DYNC2H1: variants seen among roughly 807,000 people sequenced by gnomAD.
DYNC2H1 encodes cytoplasmic dynein 2 heavy chain 1.
Under a neutral mutation model 570.0 loss-of-function variants are expected in DYNC2H1, and 410 were observed. The ratio of observed to expected loss-of-function variants is 0.72; its 90% CI spans 0.66 to 0.78. The LOEUF (loss-of-function observed/expected upper bound fraction) is 0.78, where lower values mean the gene tolerates loss of function less well. Ranked by LOEUF, DYNC2H1 falls within the 30% of genes least tolerant of loss-of-function variation. The probability of loss-of-function intolerance (pLI) is 0.00; values close to 1 mark genes in which losing one functional copy is unlikely to be tolerated. For missense variants in DYNC2H1, 4,865 were observed against 5,046.4 expected (o/e 0.96, Z 1.09); for synonymous variants, 1,688 against 1,677.6 (o/e 1.01, Z -0.15).
intron 5 of DYNC2H1, among the ~76,000 whole-genome samples, chr11:103,117,017 T>C (rs1397903863): frequency 1.3e-5 from 2 of 150,436 alleles, no homozygotes; most frequent in Non-Finnish European, 3.0e-5. Flanking sequence ...TTTGTTAATA[T>C]TAAATTTTTT....
chr11:103,190,092 G>C (rs1488442874), intron 45 of DYNC2H1, among the ~76,000 whole-genome samples: 3 of 152,138 alleles, frequency 2.0e-5, no homozygotes, highest in Non-Finnish European at 4.4e-5. Context: ...ATTTAGAATT[G>C]AGTTTATCTT....
At chr11:103,460,879 T>G (rs1026123055) in intron 87 of DYNC2H1, among the ~76,000 whole-genome samples, 4 of 152,140 alleles carry the variant, frequency 2.6e-5, no homozygotes, top group African/African-American at 9.7e-5. Context: ...AAAGATATTT[T>G]ATTGTTAAGA....
At chr11:103,213,524 G>T (rs1358914394) in intron 54 of DYNC2H1, among the ~76,000 whole-genome samples, 1 of 150,806 alleles carries the variant, frequency 6.6e-6, no homozygotes, top group Admixed American at 6.6e-5. Context: ...ATATTTATGG[G>T]GTACATGTGA....
At chr11:103,303,399 T>G in intron 76 of DYNC2H1, 146 bp downstream of exon 76, 2 of 816,170 alleles carry the variant, frequency 2.5e-6, no homozygotes, top group Non-Finnish European at 3.5e-6. Flanking sequence ...ACTGTGGATA[T>G]GTTATTTTCC....
chr11:103,192,144 G>A lies in DYNC2H1; in HGVS notation c.7588G>A (p.Glu2530Lys). ...TTATGTGTTAGAAATTGTAGCATAT[G>A]AGGCACGGCGCTTATTTCGTGACAA... ...LDYVLEIVAYEARRLFRDKIV... is the reference protein window; with the variant it reads ...LDYVLEIVAYKARRLFRDKIV... Residue 2530 changes from glutamate to lysine, a missense_variant, in exon 47 of 89, where the codon GAG becomes AAG. Physicochemically the swap from Glu to Lys is moderately conservative, Grantham distance 56. Around this residue, in one of 5 missense-constraint regions of DYNC2H1, gnomAD observed 2,401 missense variants for 2,454.6 expected, o/e 0.98. Coordinates refer to ENST00000375735, the MANE Select transcript of DYNC2H1 (RefSeq NM_001377.3). 1.3e-6 allele frequency: 2 copies of A among 1,559,804 alleles called. No homozygotes were observed. Among genetic ancestry groups the A allele is most frequent in the African/African-American group, 1.3e-5 (1 of 74,302 alleles).
At position 103,245,461 on chromosome 11, in the gene DYNC2H1, T is replaced by C; in HGVS notation, c.10042+87T>C. The C allele has an allele frequency of 7.4e-7, 1 of 1,348,124 alleles. No homozygotes were observed. The highest frequency in any genetic ancestry group is 1.0e-6 in the Non-Finnish European group (1 of 999,608). 83.5% of individuals were successfully genotyped at this position (1,348,124 alleles called of 1,614,324 possible). A position where few individuals can be genotyped will look rare whatever the true frequency, so the allele number is the denominator to read the frequency against. ...ACCAGGTGCAAGCTTTCAAGAGTCCTCTTCCAGTGGAGTCACACATGATGG... is the reference window on the plus strand; with the variant it reads ...ACCAGGTGCAAGCTTTCAAGAGTCCCCTTCCAGTGGAGTCACACATGATGG... On this transcript the variant is annotated intron_variant, in intron 65 of 88. Transcript: ENST00000375735. The surrounding 1 kb of genome is among the most constrained non-coding windows in gnomAD (Gnocchi z 4.5).
rs1341847839 is a variant in DYNC2H1, at chr11:103,289,909, T to TA, written c.11095+2307dup. Among the ~76,000 whole-genome samples, 1 of 152,188 alleles carries TA rather than the reference T, an allele frequency of 6.6e-6. No homozygotes were observed. The highest frequency in any genetic ancestry group is 2.4e-5 in the African/African-American group (1 of 41,458). On this transcript the variant is annotated intron_variant, in intron 75 of 88. Coordinates refer to ENST00000375735, the MANE Select transcript of DYNC2H1 (RefSeq NM_001377.3). The surrounding 1 kb of genome is among the most constrained non-coding windows in gnomAD (Gnocchi z 4.2). ...GTGTCCTTACAAGAAGACATCCATG[T>TA]AAAGACAGACACGCAAGGAGAGTAT...
At chr11:103,444,472 G>T (rs1052436576) in intron 85 of DYNC2H1, among the ~76,000 whole-genome samples, 1 of 151,926 alleles carries the variant, frequency 6.6e-6, no homozygotes, top group Admixed American at 6.6e-5. Context: ...ATATATTTCC[G>T]GGATGTCAGA....
Position 103,156,742 on chromosome 11 carries a change from C to A in DYNC2H1, c.4099C>A (p.Arg1367Ser). 6.2e-7 allele frequency: 1 copy of A among 1,612,162 alleles called. No homozygotes were observed. The highest frequency in any genetic ancestry group is 8.5e-7 in the Non-Finnish European group (1 of 1,179,412). Residue 1367 changes from arginine (R) to serine (S), a missense_variant, in exon 26 of 89, where the codon CGC (arginine) becomes AGC (serine). Transcript: ENST00000375735. Reference protein sequence around the residue: ...GRGALPKEQTRFNRVDEDFRS... With the variant: ...GRGALPKEQTSFNRVDEDFRS... ...TGGAGCATTGCCAAAAGAACAGACA[C>A]GCTTCAACAGAGTTGATGAAGATTT... is the stretch of plus-strand genomic sequence containing the variant.
intron 82 of DYNC2H1, among the ~76,000 whole-genome samples, chr11:103,347,538 G>A (rs1939803005): frequency 6.6e-6 from 1 of 152,068 alleles, no homozygotes; most frequent in Non-Finnish European, 1.5e-5. Context: ...GATGAATGAA[G>A]CAAGTGCTGG....
rs147939011 is a variant in DYNC2H1 at position 103,431,658 on chromosome 11, G to A, written c.12367-4285G>A. On this transcript the variant is annotated intron_variant, in intron 84 of 88. Coordinates refer to ENST00000375735, the MANE Select transcript of DYNC2H1 (RefSeq NM_001377.3). The stretch of plus-strand genomic sequence containing the variant: ...AACACATTTTGCCAATAAGAAATAC[G>A]TTGGTTTATTCCTGTAACATAATCT... Among the ~76,000 whole-genome samples the A allele has an allele frequency of 9.7e-4, 148 of 152,208 alleles. 1 individual carries two copies. Among genetic ancestry groups the A allele is most frequent in the African/African-American group, 3.3e-3 (135 of 41,536 alleles).
chr11:103,249,857 A>G lies in DYNC2H1; in HGVS notation c.10043-3428A>G, dbSNP rs1390870631. Among the ~76,000 whole-genome samples the G allele has an allele frequency of 2.0e-5, 3 of 152,072 alleles. No homozygotes were observed. Among genetic ancestry groups the G allele is most frequent in the Non-Finnish European group, 2.9e-5 (2 of 67,982 alleles). On this transcript the variant is annotated intron_variant, in intron 65 of 88. Transcript: ENST00000375735. This position sits in a 1 kb window ranked among gnomAD's most constrained non-coding sequence, Gnocchi z 4.6. ...TTTAGTCCCACTCCATTTCTCTTACATATACATAAAAATTAAGATACTAAA... is the reference window on the plus strand; with the variant it reads ...TTTAGTCCCACTCCATTTCTCTTACGTATACATAAAAATTAAGATACTAAA...
chr11:103,457,423 G>T (rs887905350), intron 87 of DYNC2H1, among the ~76,000 whole-genome samples: 1 of 152,098 alleles, frequency 6.6e-6, no homozygotes, highest in African/African-American at 2.4e-5. Flanking sequence ...ACCTTCCAGT[G>T]CTGTAAGATG....
intron 85 of DYNC2H1, among the ~76,000 whole-genome samples, chr11:103,448,951 G>A (rs1421941652): frequency 6.6e-6 from 1 of 151,830 alleles, no homozygotes; most frequent in Non-Finnish European, 1.5e-5. Context: ...ATTCCTACTA[G>A]TAGCATGTAG....
At chr11:103,310,868 A>AT (rs1261759090) in intron 78 of DYNC2H1, among the ~76,000 whole-genome samples, 1 of 150,558 alleles carries the variant, frequency 6.6e-6, no homozygotes, top group East Asian at 1.9e-4. Context: ...TTTTTTATTT[A>AT]TTTTTTGTAT....
rs1038501567 is a variant in DYNC2H1 at position 103,352,776 on chromosome 11, G to C, written c.12040-5467G>C. ...AGATCTAGAACCAGAAATACCATTC[G>C]ACCTAGCAATCCCATAACTGGGTAT... is the stretch of plus-strand genomic sequence containing the variant. On this transcript the variant is annotated intron_variant, in intron 82 of 88. Coordinates refer to ENST00000375735, the MANE Select transcript of DYNC2H1 (RefSeq NM_001377.3). 2.0e-5 allele frequency among the ~76,000 whole-genome samples: 3 copies of C among 152,086 alleles called. No homozygotes were observed. In the South Asian group the frequency reaches 6.2e-4, roughly 32 times the overall value.
chr11:103,314,020 A>G (rs1383154852), intron 79 of DYNC2H1, among the ~76,000 whole-genome samples: 1 of 152,152 alleles, frequency 6.6e-6, no homozygotes, highest in Non-Finnish European at 1.5e-5. Flanking sequence ...GATGAACAAC[A>G]CTGATAGTGA....
chr11:103,364,895 A>G (rs1485293902), intron 83 of DYNC2H1, among the ~76,000 whole-genome samples: 2 of 152,152 alleles, frequency 1.3e-5, no homozygotes, highest in African/African-American at 4.8e-5. Flanking sequence ...GGGGAGGAGC[A>G]ATATGCTTCT....
intron 83 of DYNC2H1, among the ~76,000 whole-genome samples, chr11:103,368,757 T>A (rs528995905): frequency 1.3e-5 from 2 of 152,314 alleles, no homozygotes; most frequent in South Asian, 4.1e-4. Context: ...TTTTTGTATA[T>A]AATGAGAGGT....
Sources: allele counts gnomAD v4.1 joint callset (sites outside exome capture counted in the v4.1 genomes callset), GRCh38; gene constraint gnomAD v4.1.1; regional missense constraint gnomAD v4.1.1; non-coding constraint Gnocchi (gnomAD v3.1); transcripts MANE v1.5; gene names NCBI Gene and HGNC (gene_info 2026-07-23, HGNC 2026-07-21).